The following GUCY1A2 variants were observed in gnomAD, a reference collection of about 807,000 sequenced individuals.
The protein encoded by GUCY1A2 is guanylate cyclase 1 soluble subunit alpha 2, also known as guanylate cyclase soluble subunit alpha-2.
A neutral mutation model predicts 63.5 loss-of-function variants in GUCY1A2; 27 were observed. The observed-to-expected ratio is 0.43, with a 90% CI of 0.31 to 0.59. The LOEUF (loss-of-function observed/expected upper bound fraction) is 0.59. Among genes scored for constraint, GUCY1A2 ranks in the 20% least tolerant of loss-of-function variants. The pLI, the probability that GUCY1A2 is intolerant of heterozygous loss-of-function variation, is 0.11. For synonymous variants in GUCY1A2, 364 were observed against 343.5 expected, an observed-to-expected ratio of 1.06 and a Z score of -0.66; for missense variants, 768 against 913.3, an observed-to-expected ratio of 0.84 and a Z score of 2.05.
At chr11:106,810,731 A>G (rs994695687) in intron 4 of GUCY1A2, among the ~76,000 whole-genome samples, 1 of 152,182 alleles carries the variant, frequency 6.6e-6, no homozygotes, top group Non-Finnish European at 1.5e-5. Context: ...TCAGTGAAAA[A>G]TGAAACAGGA....
At chr11:106,696,463 A>G (rs995363052) in intron 7 of GUCY1A2, among the ~76,000 whole-genome samples, 16 of 152,194 alleles carry the variant, frequency 1.1e-4, no homozygotes, top group Non-Finnish European at 2.9e-5. Flanking sequence ...AAAGATAAAG[A>G]AGTGGAAAGA....
intron 6 of GUCY1A2, among the ~76,000 whole-genome samples, chr11:106,763,559 C>G (rs1864106486): frequency 6.6e-6 from 1 of 152,022 alleles, no homozygotes; most frequent in African/African-American, 2.4e-5. Context: ...TTCAGATAAA[C>G]TAACTAATTA....
intron 4 of GUCY1A2, among the ~76,000 whole-genome samples, chr11:106,874,292 C>G (rs984481023): frequency 6.6e-6 from 1 of 151,892 alleles, no homozygotes; most frequent in Non-Finnish European, 1.5e-5. Flanking sequence ...AGAATAGGAT[C>G]GAATACAGAA....
intron 3 of GUCY1A2, among the ~76,000 whole-genome samples, chr11:106,963,939 A>G (rs72994145): frequency 0.11 from 17,246 of 152,186 alleles, 1,300 homozygotes; most frequent in Middle Eastern, 0.17. Context: ...TTGCAAGAAT[A>G]GTATAAAAAT....
intron 6 of GUCY1A2, among the ~76,000 whole-genome samples, chr11:106,743,913 T>C (rs1348212840): frequency 2.0e-5 from 3 of 152,150 alleles, no homozygotes; most frequent in East Asian, 3.8e-4. Flanking sequence ...CAGAGTTGAA[T>C]ACAATATGCA....
At chr11:106,819,610 C>T (rs1161712422) in intron 4 of GUCY1A2, among the ~76,000 whole-genome samples, 1 of 152,112 alleles carries the variant, frequency 6.6e-6, no homozygotes, top group East Asian at 1.9e-4. Flanking sequence ...AAGGTATATA[C>T]ATTTTTCAGA....
At chr11:106,714,195 G>T (rs903147375) in intron 6 of GUCY1A2, among the ~76,000 whole-genome samples, 1 of 151,716 alleles carries the variant, frequency 6.6e-6, no homozygotes, top group Non-Finnish European at 1.5e-5. Context: ...TATCCTTGAG[G>T]GGGCAGAGGG....
intron 4 of GUCY1A2, among the ~76,000 whole-genome samples, chr11:106,872,079 C>T (rs924138031): frequency 5.3e-5 from 8 of 151,944 alleles, no homozygotes; most frequent in Admixed American, 2.0e-4. Context: ...AAAACATAAG[C>T]GGTTGATAAC....
intron 5 of GUCY1A2, among the ~76,000 whole-genome samples, chr11:106,805,976 C>T (rs140633164): frequency 1.6e-3 from 239 of 152,118 alleles, no homozygotes; most frequent in Middle Eastern, 3.4e-3. Flanking sequence ...TTTTCTTATC[C>T]GAAAATGTAC....
rs1396664833 is a variant in GUCY1A2, at chr11:106,891,866, TG to T, written c.1206+47593del. On this transcript the variant is annotated intron_variant, in intron 4 of 7. Transcript: ENST00000526355. Reference sequence around the variant, plus strand: ...TAACATTGTTCTCTTCTTGAAGAAATGTCTTAGCTAACCTAAGCATTTTGTA... The same window carrying T: ...TAACATTGTTCTCTTCTTGAAGAAATTCTTAGCTAACCTAAGCATTTTGTA... Among the ~76,000 whole-genome samples the T allele has an allele frequency of 2.0e-5, 3 of 152,126 alleles. No individual in the cohort carries two copies. The East Asian group carries it at 5.8e-4, about 29-fold the overall frequency.
rs113267758 is a variant in GUCY1A2, at chr11:106,945,925, A to G, written c.488-5747T>C. Among the ~76,000 whole-genome samples, 955 of 152,312 alleles carry G rather than the reference A, an allele frequency of 6.3e-3. 12 individuals carry two copies. Among genetic ancestry groups the G allele is most frequent in the African/African-American group, 0.022 (912 of 41,574 alleles). Reference sequence around the variant, plus strand: ...GGTTGCAGTGAGCTGAGATCACACCACTGCACTCCAGCCTGGGCAACAAGA... The same window carrying G: ...GGTTGCAGTGAGCTGAGATCACACCGCTGCACTCCAGCCTGGGCAACAAGA... On this transcript the variant is annotated intron_variant, in intron 3 of 7. Coordinates refer to ENST00000526355, the MANE Select transcript of GUCY1A2 (RefSeq NM_000855.3).
At chr11:106,924,287 T>C (rs7944628) in intron 4 of GUCY1A2, among the ~76,000 whole-genome samples, 37,371 of 152,154 alleles carry the variant, frequency 0.25, 4,703 homozygotes, top group African/African-American at 0.31. Context: ...CTGATTATAG[T>C]TCAATGGACA....
At chr11:107,013,731 A>G (rs1283022924) in intron 1 of GUCY1A2, among the ~76,000 whole-genome samples, 1 of 152,096 alleles carries the variant, frequency 6.6e-6, no homozygotes, top group East Asian at 1.9e-4. Context: ...GGTTATTTTT[A>G]TTATTATGGC....
chr11:106,810,916 G>A (rs1435898167), intron 4 of GUCY1A2, among the ~76,000 whole-genome samples: 1 of 151,924 alleles, frequency 6.6e-6, no homozygotes, highest in Non-Finnish European at 1.5e-5. Context: ...AAATCCAGGA[G>A]GTTAAAATGA....
intron 4 of GUCY1A2, among the ~76,000 whole-genome samples, chr11:106,858,065 C>G (rs967848884): frequency 2.0e-5 from 3 of 152,132 alleles, no homozygotes; most frequent in Non-Finnish European, 4.4e-5. Context: ...AGGCAATGTG[C>G]CCCAAATGTA....
intron 6 of GUCY1A2, chr11:106,746,407 C>A: frequency 2.1e-6 from 1 of 466,804 alleles, no homozygotes; most frequent in South Asian, 3.5e-5. Context: ...AGAGTCTCAA[C>A]AAACTACCAG....
At chr11:106,868,625 G>A (rs1859628888) in intron 4 of GUCY1A2, among the ~76,000 whole-genome samples, 1 of 151,984 alleles carries the variant, frequency 6.6e-6, no homozygotes, top group East Asian at 1.9e-4. Context: ...ACAAATGGAA[G>A]AACATTCCAT....
intron 1 of GUCY1A2, among the ~76,000 whole-genome samples, chr11:106,988,242 A>G (rs576669100): frequency 3.2e-4 from 48 of 152,354 alleles, no homozygotes; most frequent in Non-Finnish European, 5.6e-4. Context: ...AAATCCAATC[A>G]TCATCAGTCA....
chr11:107,011,723 A>C (rs979724933), intron 1 of GUCY1A2, among the ~76,000 whole-genome samples: 1 of 149,128 alleles, frequency 6.7e-6, no homozygotes. Context: ...ATGTAACTTT[A>C]AAGTGAAAGT....
Sources: gnomAD v4.1 joint callset for allele counts (sites outside exome capture counted in the v4.1 genomes callset) on GRCh38, gnomAD v4.1.1 for gene constraint, MANE v1.5 for transcripts, NCBI Gene and HGNC (gene_info 2026-07-23, HGNC 2026-07-21) for gene names.